The following HIP1R variants were observed in gnomAD, a reference collection of about 807,000 sequenced individuals.
The protein encoded by HIP1R is huntingtin interacting protein 1 related, also known as huntingtin-interacting protein 1-related protein.
A neutral mutation model predicts 144.2 loss-of-function variants in HIP1R; 135 were observed. The ratio of observed to expected loss-of-function variants is 0.94; its 90% CI spans 0.81 to 1.08. The LOEUF (loss-of-function observed/expected upper bound fraction) is 1.08. Among genes scored for constraint, HIP1R ranks in the 50% least tolerant of loss-of-function variants. HIP1R has a pLI of 0.00. For synonymous variants in HIP1R, 698 were observed against 612.8 expected, an observed-to-expected ratio of 1.14 and a Z score of -2.05; for missense variants, 1,462 against 1,432.8, an observed-to-expected ratio of 1.02 and a Z score of -0.33.
At position 122,854,152 on chromosome 12, in the gene HIP1R, C is replaced by A; in HGVS notation, c.687C>A (p.Tyr229Ter). The A allele has an allele frequency of 1.1e-5, 18 of 1,613,890 alleles. No homozygotes were observed. Among genetic ancestry groups the A allele is most frequent in the Non-Finnish European group, 1.5e-5 (18 of 1,179,934 alleles). Residue 229 changes from tyrosine (Y) to a stop codon, truncating the protein, a stop_gained, in exon 8 of 32, where the codon TAC (tyrosine) becomes TAA (stop). Coordinates refer to ENST00000253083, the MANE Select transcript of HIP1R (RefSeq NM_003959.3). LOFTEE classifies it high-confidence loss of function. ...AGGACTGCAGCCACCTCTACCACTA[C>A]ACGGTCAAGCTCCTGTTCAAGCTAC... ...VIQDCSHLYH[Y>*]TVKLLFKLHS...
intron 1 of HIP1R, among the ~76,000 whole-genome samples, chr12:122,838,204 A>G (rs915320518): frequency 6.6e-6 from 1 of 152,048 alleles, no homozygotes; most frequent in Non-Finnish European, 1.5e-5. Context: ...AGAGGCGATC[A>G]TGTGCCTGCT....
chr12:122,858,696 C>G (rs914773679), intron 20 of HIP1R, 142 bp from the exon 21 acceptor site: 1 of 703,550 alleles, frequency 1.4e-6, no homozygotes, highest in African/African-American at 1.7e-5. Context: ...TGGTGTGGTT[C>G]CCACTGCCTC....
chr12:122,837,423 A>T (rs1030965967), intron 1 of HIP1R, among the ~76,000 whole-genome samples: 2 of 151,468 alleles, frequency 1.3e-5, no homozygotes, highest in Non-Finnish European at 2.9e-5. Flanking sequence ...GGTTCAAGTG[A>T]TTCTCCTGCC....
chr12:122,850,127 C>T lies in HIP1R; in HGVS notation c.438+172C>T, dbSNP rs1327281808. The T allele has an allele frequency of 1.6e-5, 11 of 700,466 alleles. 1 individual carries two copies. Among genetic ancestry groups the T allele is most frequent in the Middle Eastern group, 4.6e-4 (2 of 4,370 alleles). 43.4% of individuals were successfully genotyped at this position (700,466 alleles called of 1,614,324 possible). On this transcript the variant is annotated intron_variant, in intron 5 of 31. Coordinates refer to ENST00000253083, the MANE Select transcript of HIP1R (RefSeq NM_003959.3). The stretch of plus-strand genomic sequence containing the variant: ...GGGAGACGGGGAAGCCAGGGCATCA[C>T]GAAGCTCCTAGAACACTTCAGGCAT...
chr12:122,847,214 G>A (rs571025436), intron 1 of HIP1R, among the ~76,000 whole-genome samples: 13 of 152,306 alleles, frequency 8.5e-5, no homozygotes, highest in South Asian at 2.1e-4. Flanking sequence ...AGCCAGGGCC[G>A]GGTTGTAGTG....
rs78395858 is a variant in HIP1R, at chr12:122,854,212, G to A, written c.718+29G>A. 7.4e-3 allele frequency: 11,886 copies of A among 1,600,936 alleles called. 714 individuals are homozygous for A. The African/African-American group carries it at 0.13, about 18-fold the overall frequency. Reference sequence around the variant, plus strand: ...AGTGGCCCAGGGCAACCCCTGGCCCGGAAGGCTGTGTTTATATGGCTTAGA... The same window carrying A: ...AGTGGCCCAGGGCAACCCCTGGCCCAGAAGGCTGTGTTTATATGGCTTAGA... On this transcript the variant is annotated intron_variant, in intron 8 of 31. Transcript: ENST00000253083.
intron 22 of HIP1R, 87 bp from the exon 23 acceptor site, chr12:122,859,339 T>C (rs1001961990): frequency 6.8e-7 from 1 of 1,462,976 alleles, no homozygotes; most frequent in Non-Finnish European, 9.5e-7. Flanking sequence ...CCCTCCTCGA[T>C]CCCTGTGGTC....
chr12:122,862,112 C>T lies in HIP1R; in HGVS notation c.*359C>T, dbSNP rs2033788826. The T allele has an allele frequency of 4.6e-6, 1 of 219,154 alleles. No individual in the cohort carries two copies. Among genetic ancestry groups the T allele is most frequent in the African/African-American group, 2.3e-5 (1 of 43,566 alleles). 13.6% of individuals were successfully genotyped at this position (219,154 alleles called of 1,614,324 possible). On this transcript the variant is annotated 3_prime_UTR_variant, in exon 32 of 32. Transcript: ENST00000253083. ...TCTTCCTACGTTTGTAGTCAGCACACTGGGAAACCGGGCCAGCGTGGGGCT... is the reference window on the plus strand; with the variant it reads ...TCTTCCTACGTTTGTAGTCAGCACATTGGGAAACCGGGCCAGCGTGGGGCT...
rs2033763034 is a variant in HIP1R at position 122,861,292 on chromosome 12, G to A, written c.2953-16G>A. 2 of 1,613,670 alleles carry A rather than the reference G, an allele frequency of 1.2e-6. No individual in the cohort carries two copies. Among genetic ancestry groups the A allele is most frequent in the Non-Finnish European group, 1.7e-6 (2 of 1,179,964 alleles). On this transcript the variant is annotated splice_polypyrimidine_tract_variant and intron_variant, in intron 30 of 31. Transcript: ENST00000253083. ...TGGGGAGGCTGGGCTGGGCTGAGCA[G>A]GCCGTGTGGCTACAGGTGCGTGTCC...
Position 122,848,105 on chromosome 12 carries a change from C to G in HIP1R, c.157+11C>G. ...AGAAGCACGCCCGGCGTATCCTTGG[C>G]CGGCTCTTGGACCCAGGAGTTGGGT... On this transcript the variant is annotated intron_variant, in intron 2 of 31. Coordinates refer to ENST00000253083, the MANE Select transcript of HIP1R (RefSeq NM_003959.3). 1 of 1,612,948 alleles carries G rather than the reference C, an allele frequency of 6.2e-7. No homozygotes were observed. The highest frequency in any genetic ancestry group is 8.5e-7 in the Non-Finnish European group (1 of 1,179,640).
At chr12:122,855,450 G>A (rs1244356883) in intron 11 of HIP1R, 45 bp downstream of exon 11, 1 of 1,549,872 alleles carries the variant, frequency 6.5e-7, no homozygotes, top group Admixed American at 2.0e-5. Flanking sequence ...TCCAGCTGCA[G>A]CATGAGGCCA....
Position 122,855,264 on chromosome 12 carries a change from G to C in HIP1R, c.853-1G>C. The C allele has an allele frequency of 6.2e-7, 1 of 1,612,762 alleles. No individual in the cohort carries two copies. Among genetic ancestry groups the C allele is most frequent in the Non-Finnish European group, 8.5e-7 (1 of 1,179,858 alleles). The stretch of plus-strand genomic sequence containing the variant: ...GCAGGTCCCACCTGCCGCCCCTGCA[G>C]GGACCCCCTAACTTCCTGCGGGCCT... On this transcript the variant is annotated splice_acceptor_variant, in intron 10 of 31. Coordinates refer to ENST00000253083, the MANE Select transcript of HIP1R (RefSeq NM_003959.3). LOFTEE classifies it high-confidence loss of function.
intron 1 of HIP1R, among the ~76,000 whole-genome samples, chr12:122,837,723 A>G (rs908716523): frequency 1.3e-5 from 2 of 152,184 alleles, no homozygotes; most frequent in Non-Finnish European, 2.9e-5. Context: ...TACCTATTCT[A>G]GGGCCCCATT....
upstream of HIP1R, chr12:122,835,097 C>T (rs1413654341): frequency 1.0e-6 from 1 of 964,250 alleles, no homozygotes; most frequent in African/African-American, 1.8e-5. Flanking sequence ...TCCCCCTTCC[C>T]CTACCCTCCC....
Position 122,854,058 on chromosome 12 carries a change from A to G in HIP1R, c.593A>G (p.Asn198Ser). 4 of 1,613,696 alleles carry G rather than the reference A, an allele frequency of 2.5e-6. No homozygotes were observed. Among genetic ancestry groups the G allele is most frequent in the Non-Finnish European group, 2.5e-6 (3 of 1,179,852 alleles). ...TTTTGCACAGTTTTCCGACAGCTCA[A>G]CACGGCCATCGCCGTATCCCAGATG... ...KLSESVFRQL[N>S]TAIAVSQMSS... The change falls in exon 8 of 32, where the codon AAC (asparagine) becomes AGC (serine). Residue 198 changes from asparagine to serine, a missense_variant. Coordinates refer to ENST00000253083, the MANE Select transcript of HIP1R (RefSeq NM_003959.3).
At chr12:122,838,123 C>T (rs2032958478) in intron 1 of HIP1R, among the ~76,000 whole-genome samples, 1 of 152,110 alleles carries the variant, frequency 6.6e-6, no homozygotes, top group East Asian at 1.9e-4. Flanking sequence ...TAATTGCTTT[C>T]CTGTGAGCTT....
upstream of HIP1R, chr12:122,834,951 T>G: frequency 7.8e-7 from 1 of 1,289,112 alleles, no homozygotes; most frequent in African/African-American, 1.5e-5. Flanking sequence ...ACCAGACTCA[T>G]GGAGGCCAGA....
chr12:122,842,372 A>T (rs919878661), intron 1 of HIP1R, among the ~76,000 whole-genome samples: 5 of 152,206 alleles, frequency 3.3e-5, no homozygotes, highest in Non-Finnish European at 1.5e-5. Context: ...GCTCTAGTGG[A>T]TAAATTATTA....
intron 11 of HIP1R, 53 bp from the exon 12 acceptor site, chr12:122,855,498 T>C: frequency 1.3e-6 from 2 of 1,548,554 alleles, no homozygotes; most frequent in African/African-American, 1.4e-5. Context: ...CTTTGCCCAC[T>C]GCCCGGCCTG....
Sources: gnomAD v4.1 joint callset for allele counts (sites outside exome capture counted in the v4.1 genomes callset) on GRCh38, gnomAD v4.1.1 for gene constraint, MANE v1.5 for transcripts, NCBI Gene and HGNC (gene_info 2026-07-23, HGNC 2026-07-21) for gene names.